Variants in CFAP418 observed in about 807,000 individuals in gnomAD.
The protein encoded by CFAP418 is cilia- and flagella-associated protein 418.
Under a neutral mutation model 24.7 loss-of-function variants are expected in CFAP418, and 27 were observed. The ratio of observed to expected loss-of-function variants is 1.09; its 90% CI spans 0.81 to 1.51. The LOEUF (loss-of-function observed/expected upper bound fraction) is 1.51, where lower values mean the gene tolerates loss of function less well. Among genes scored for constraint, CFAP418 ranks in the 40% most tolerant of loss-of-function variants. The pLI is 0.00. For missense variants in CFAP418, 257 were observed against 255.2 expected (o/e 1.01, Z -0.05); for synonymous variants, 74 against 87.3 (o/e 0.85, Z 0.85).
intron 5 of CFAP418, among the ~76,000 whole-genome samples, chr8:95,249,860 T>A (rs1587348911): frequency 6.6e-6 from 1 of 152,320 alleles, no homozygotes; most frequent in East Asian, 1.9e-4. Context: ...ATCTTCATTC[T>A]CAAAACCAGG....
chr8:95,261,173 G>A (rs1156414620), intron 2 of CFAP418, among the ~76,000 whole-genome samples: 14 of 152,112 alleles, frequency 9.2e-5, no homozygotes, highest in Admixed American at 7.9e-4. Flanking sequence ...TAGGACCACC[G>A]CCAAGGAGAG....
chr8:95,254,312 A>G (rs1217001149), intron 4 of CFAP418, among the ~76,000 whole-genome samples: 1 of 152,236 alleles, frequency 6.6e-6, no homozygotes, highest in South Asian at 2.1e-4. Flanking sequence ...TCTAAAATCT[A>G]AAGTCATTCA....
Position 95,246,427 on chromosome 8 carries a change from C to G in CFAP418, c.*1190G>C, listed in dbSNP as rs1364778394. 6.6e-6 allele frequency: 1 copy of G among 152,224 alleles called. No homozygotes were observed. Among genetic ancestry groups the G allele is most frequent in the Non-Finnish European group, 1.5e-5 (1 of 68,028 alleles). 9.4% of individuals were successfully genotyped at this position (152,224 alleles called of 1,614,324 possible). A position where few individuals can be genotyped will look rare whatever the true frequency, so the allele number is the denominator to read the frequency against. ...AGGAAAAGGATTCTAATGATCAGATCTTCCTCCCTTCAGTAGGGTGGCTGG... is the reference window on the plus strand; with the variant it reads ...AGGAAAAGGATTCTAATGATCAGATGTTCCTCCCTTCAGTAGGGTGGCTGG... On this transcript the variant is annotated 3_prime_UTR_variant, in exon 6 of 6. Transcript: ENST00000286688.
At chr8:95,248,424 A>G (rs760767772) in intron 5 of CFAP418, among the ~76,000 whole-genome samples, 6 of 152,212 alleles carry the variant, frequency 3.9e-5, no homozygotes, top group Admixed American at 6.5e-5. Context: ...ATATTTTAAA[A>G]GCCTGTAATA....
intron 4 of CFAP418, among the ~76,000 whole-genome samples, chr8:95,252,591 C>T (rs541842327): frequency 4.8e-4 from 73 of 152,108 alleles, no homozygotes; most frequent in African/African-American, 1.6e-3. Context: ...TTTCAAATTA[C>T]GTCTGAGGGA....
intron 4 of CFAP418, among the ~76,000 whole-genome samples, chr8:95,255,840 G>A (rs13272361): frequency 0.063 from 9,601 of 152,278 alleles, 393 homozygotes; most frequent in Non-Finnish European, 0.088. Context: ...ACAGTATAAA[G>A]TACTTCACAC....
chr8:95,256,097 G>C (rs1168792842), intron 4 of CFAP418, among the ~76,000 whole-genome samples: 1 of 152,164 alleles, frequency 6.6e-6, no homozygotes, highest in African/African-American at 2.4e-5. Flanking sequence ...CTGTTCTTTG[G>C]TTTACTGAAA....
chr8:95,260,438 G>A (rs1811867408), intron 3 of CFAP418, 30 bp downstream of exon 3: 2 of 1,497,280 alleles, frequency 1.3e-6, no homozygotes, highest in Admixed American at 2.0e-5. Flanking sequence ...TCAATAGTGT[G>A]TATAATTCAC....
At chr8:95,248,787 A>G (rs1811665367) in intron 5 of CFAP418, among the ~76,000 whole-genome samples, 1 of 152,216 alleles carries the variant, frequency 6.6e-6, no homozygotes, top group Non-Finnish European at 1.5e-5. Flanking sequence ...AAGTGAAAGG[A>G]CGAAATACAG....
intron 5 of CFAP418, among the ~76,000 whole-genome samples, chr8:95,251,177 C>T (rs1811701041): frequency 6.6e-6 from 1 of 152,148 alleles, no homozygotes; most frequent in African/African-American, 2.4e-5. Flanking sequence ...CATACACCAA[C>T]CTAAGAGCTT....
rs547398411 is a variant in CFAP418, at chr8:95,266,532, G to T, written c.155+2503C>A. ...TCTTATAAGAGATACAGGTTACACT[G>T]CTATACAATTAGTAGGTAATCTCCT... On this transcript the variant is annotated intron_variant, in intron 1 of 5. Coordinates refer to ENST00000286688, the MANE Select transcript of CFAP418 (RefSeq NM_177965.4). 2.2e-4 allele frequency among the ~76,000 whole-genome samples: 33 copies of T among 152,228 alleles called. 1 individual carries two copies. The South Asian group carries it at 5.6e-3, about 26-fold the overall frequency.
At chr8:95,255,291 A>C (rs1172828228) in intron 4 of CFAP418, among the ~76,000 whole-genome samples, 1 of 152,118 alleles carries the variant, frequency 6.6e-6, no homozygotes, top group Non-Finnish European at 1.5e-5. Flanking sequence ...CCTACTCATT[A>C]TGCTCCAGCA....
In CFAP418 at chr8:95,263,593, A is replaced by G. The variant is rs545389619; in HGVS notation, c.243+94T>C. 96 of 704,092 alleles carry G rather than the reference A, an allele frequency of 1.4e-4. 1 individual carries two copies. The South Asian group carries it at 1.8e-3, about 13-fold the overall frequency. 43.6% of individuals were successfully genotyped at this position (704,092 alleles called of 1,614,324 possible). ...AATTGTATTTCTCAGAATTCAAAAGATAATGGGTAGCTACTTGTGTCATCT... is the reference window on the plus strand; with the variant it reads ...AATTGTATTTCTCAGAATTCAAAAGGTAATGGGTAGCTACTTGTGTCATCT... On this transcript the variant is annotated intron_variant, in intron 2 of 5. Transcript: ENST00000286688.
intron 5 of CFAP418, among the ~76,000 whole-genome samples, chr8:95,248,346 T>C (rs574029005): frequency 6.6e-6 from 1 of 152,226 alleles, no homozygotes; most frequent in African/African-American, 2.4e-5. Context: ...CTATCAGAGA[T>C]GAAATAATAT....
At position 95,269,030 on chromosome 8, in the gene CFAP418, T is replaced by G. The variant is rs770651978; in HGVS notation, c.155+5A>C. 6.2e-7 allele frequency: 1 copy of G among 1,613,534 alleles called. No homozygotes were observed. The highest frequency in any genetic ancestry group is 1.3e-5 in the African/African-American group (1 of 74,800). ...AGAACAGTCCACCCCTCCCGCCCGG[T>G]TAACCTGAGCGTCTCTTTCGCCTTG... On this transcript the variant is annotated splice_donor_5th_base_variant and intron_variant, in intron 1 of 5. Coordinates refer to ENST00000286688, the MANE Select transcript of CFAP418 (RefSeq NM_177965.4).
At chr8:95,260,079 A>T (rs1446321758) in intron 3 of CFAP418, among the ~76,000 whole-genome samples, 174 bp from the exon 4 acceptor site, 1 of 152,226 alleles carries the variant, frequency 6.6e-6, no homozygotes, top group Non-Finnish European at 1.5e-5. Context: ...TTGTAGGATC[A>T]CTGCTTTATT....
At chr8:95,256,332 T>C (rs1357846300) in intron 4 of CFAP418, among the ~76,000 whole-genome samples, 2 of 152,228 alleles carry the variant, frequency 1.3e-5, no homozygotes, top group Non-Finnish European at 2.9e-5. Context: ...CCCTGAGATA[T>C]AACGTAACAA....
At position 95,260,365 on chromosome 8, in the gene CFAP418, T is replaced by G. The variant is rs141510358; in HGVS notation, c.308+103A>C. The G allele has an allele frequency of 1.9e-3, 1,594 of 823,592 alleles. 5 individuals are homozygous for G. Among genetic ancestry groups the G allele is most frequent in the Middle Eastern group, 3.4e-3 (15 of 4,386 alleles). 51.0% of individuals were successfully genotyped at this position (823,592 alleles called of 1,614,324 possible). ...TCCTGAAGGCCAACCAATGCTTTGTTGTTCAATGTCACTGCTGTTTAAATG... is the reference window on the plus strand; with the variant it reads ...TCCTGAAGGCCAACCAATGCTTTGTGGTTCAATGTCACTGCTGTTTAAATG... On this transcript the variant is annotated intron_variant, in intron 3 of 5. Coordinates refer to ENST00000286688, the MANE Select transcript of CFAP418 (RefSeq NM_177965.4).
intron 4 of CFAP418, among the ~76,000 whole-genome samples, chr8:95,254,874 T>C (rs1455911056): frequency 6.6e-6 from 1 of 152,260 alleles, no homozygotes; most frequent in African/African-American, 2.4e-5. Flanking sequence ...TTGCAATAAC[T>C]GATATGACCT....
Sources: gnomAD v4.1 joint callset for allele counts (sites outside exome capture counted in the v4.1 genomes callset) on GRCh38, gnomAD v4.1.1 for gene constraint, MANE v1.5 for transcripts, NCBI Gene and HGNC (gene_info 2026-07-23, HGNC 2026-07-21) for gene names.